Variants in TM7SF3 observed in about 807,000 individuals in gnomAD.
TM7SF3 encodes transmembrane 7 superfamily member 3, also known as seven span transmembrane protein.
In TM7SF3, 60 loss-of-function variants were observed where a neutral mutation model predicts 65.5. The ratio of observed to expected loss-of-function variants is 0.92; its 90% CI spans 0.74 to 1.14. The LOEUF is 1.14. Ranked by LOEUF, TM7SF3 falls within the 50% of genes most tolerant of loss-of-function variation. TM7SF3 has a pLI of 0.00. For missense variants in TM7SF3, 623 were observed against 684.8 expected (o/e 0.91, Z 1.01); for synonymous variants, 264 against 259.6 (o/e 1.02, Z -0.16).
chr12:26,992,370 C>A (rs1355192287), intron 5 of TM7SF3, among the ~76,000 whole-genome samples: 2 of 152,058 alleles, frequency 1.3e-5, no homozygotes, highest in African/African-American at 2.4e-5. Flanking sequence ...GCTCTGCCTC[C>A]CAGGTTCACG....
intron 5 of TM7SF3, among the ~76,000 whole-genome samples, chr12:26,994,277 T>C (rs1306859767): frequency 2.0e-5 from 3 of 152,188 alleles, no homozygotes; most frequent in African/African-American, 7.2e-5. Context: ...GATGACCTCA[T>C]ATATTATATT....
At chr12:26,988,243 G>A (rs564296064) in intron 6 of TM7SF3, among the ~76,000 whole-genome samples, 1 of 152,190 alleles carries the variant, frequency 6.6e-6, no homozygotes, top group South Asian at 2.1e-4. Context: ...GCTCACTGCA[G>A]CCTCAACCTT....
intron 6 of TM7SF3, among the ~76,000 whole-genome samples, chr12:26,986,358 G>A (rs1016804016): frequency 6.6e-6 from 1 of 152,066 alleles, no homozygotes; most frequent in Non-Finnish European, 1.5e-5. Context: ...TTAGGTCAGT[G>A]CAGACAGAAT....
intron 1 of TM7SF3, chr12:27,012,872 C>G: frequency 2.7e-6 from 1 of 370,374 alleles, no homozygotes; most frequent in Non-Finnish European, 5.3e-6. Context: ...GTGGCGGGCG[C>G]CTGTAATCCC....
chr12:27,012,930 G>A (rs181742290), intron 1 of TM7SF3: 10 of 340,148 alleles, frequency 2.9e-5, no homozygotes, highest in African/African-American at 1.8e-4. Context: ...CCCGGGTGTC[G>A]GAGGTTGCAG....
intron 2 of TM7SF3, among the ~76,000 whole-genome samples, chr12:27,002,053 C>T (rs180899812): frequency 4.2e-4 from 64 of 152,278 alleles, no homozygotes; most frequent in East Asian, 3.3e-3. Context: ...ACAACACACA[C>T]GCACACACGT....
chr12:26,996,153 TA>T (rs112843441), intron 4 of TM7SF3, among the ~76,000 whole-genome samples: 2,010 of 142,842 alleles, frequency 0.014, 13 homozygotes, highest in African/African-American at 0.033. Flanking sequence ...ATCTTTGATT[TA>T]AAAAAAAAAA....
rs148100794 is a variant in TM7SF3, at chr12:26,984,639, C to T, written c.869-1780G>A. The stretch of plus-strand genomic sequence containing the variant: ...ATAATCACCAAGACAGCAAGGTCTT[C>T]CAACCCAATAAAAACTAAGACACAG... On this transcript the variant is annotated intron_variant, in intron 6 of 11. Coordinates refer to ENST00000343028, the MANE Select transcript of TM7SF3 (RefSeq NM_016551.3). 6.5e-3 allele frequency among the ~76,000 whole-genome samples: 985 copies of T among 152,148 alleles called. 6 individuals are homozygous for T. The highest frequency in any genetic ancestry group is 7.6e-3 in the Non-Finnish European group (514 of 68,008).
intron 1 of TM7SF3, among the ~76,000 whole-genome samples, chr12:27,012,155 C>T (rs539651883): frequency 5.3e-5 from 8 of 152,228 alleles, no homozygotes; most frequent in South Asian, 2.1e-4. Flanking sequence ...GACAGCTTTA[C>T]GGAAGTGGAA....
intron 8 of TM7SF3, chr12:26,980,152 G>A (rs1939753619): frequency 1.5e-5 from 9 of 598,660 alleles, no homozygotes; most frequent in Non-Finnish European, 2.3e-5. Context: ...AAACCTCACA[G>A]GGCCAGTGAC....
Position 26,980,682 on chromosome 12 carries a change from A to G in TM7SF3, c.956-36T>C, listed in dbSNP as rs1592274812. The stretch of plus-strand genomic sequence containing the variant: ...AACCACCAGGAAAGGAAAAAAGCAA[A>G]ACAACAAAAGCTATGGTTAAGCACC... On this transcript the variant is annotated intron_variant, in intron 7 of 11. Transcript: ENST00000343028. The G allele has an allele frequency of 2.6e-6, 3 of 1,170,112 alleles. No individual in the cohort carries two copies. The East Asian group carries it at 7.3e-5, about 28-fold the overall frequency. The allele number at this position is 1,170,112 out of a possible 1,614,324, so 72.5% of individuals were successfully genotyped here.
intron 6 of TM7SF3, among the ~76,000 whole-genome samples, chr12:26,988,416 G>C (rs1209980640): frequency 1.3e-5 from 2 of 152,078 alleles, no homozygotes; most frequent in Non-Finnish European, 2.9e-5. Flanking sequence ...CGCCCATCTT[G>C]ACCTCCCAAT....
At chr12:26,984,622 C>G (rs1298757443) in intron 6 of TM7SF3, among the ~76,000 whole-genome samples, 2 of 151,900 alleles carry the variant, frequency 1.3e-5, no homozygotes, top group Non-Finnish European at 2.9e-5. Context: ...GTATAATCAC[C>G]AAGACAGCAA....
At chr12:26,974,253 T>A in intron 11 of TM7SF3, 26 bp from the exon 12 acceptor site, 1 of 1,602,834 alleles carries the variant, frequency 6.2e-7, no homozygotes. Context: ...AAAAGTACAG[T>A]TTGAACTCTA....
intron 1 of TM7SF3, among the ~76,000 whole-genome samples, chr12:27,013,695 T>C (rs1195875337): frequency 6.6e-6 from 1 of 152,172 alleles, no homozygotes; most frequent in Non-Finnish European, 1.5e-5. Context: ...CATCAGTCAT[T>C]AAGCCGCTAG....
chr12:26,999,675 G>A lies in TM7SF3; in HGVS notation c.248C>T (p.Thr83Ile). Residue 83 changes from threonine (T) to isoleucine (I), a missense_variant and splice_region_variant, in exon 3 of 12, where the codon ACT becomes ATT. By Grantham distance (89) the Thr-to-Ile change is moderately conservative (BLOSUM62 -1). Transcript: ENST00000343028. ...TGTTTCCGAGGAATTGGAAAGGAGAGTCTGCAGTCCAGAAGAAACATTGTC... is the reference window on the plus strand; with the variant it reads ...TGTTTCCGAGGAATTGGAAAGGAGAATCTGCAGTCCAGAAGAAACATTGTC... ...YQNTTVSFSP[T>I]LLSNSSETGT... 1 of 1,614,020 alleles carries A rather than the reference G, an allele frequency of 6.2e-7. No individual in the cohort carries two copies.
intron 6 of TM7SF3, 112 bp from the exon 7 acceptor site, chr12:26,982,971 C>T: frequency 2.8e-6 from 2 of 705,902 alleles, no homozygotes; most frequent in Non-Finnish European, 4.5e-6. Context: ...TAATTTATCC[C>T]ATACATGTAT....
chr12:26,994,226 G>A (rs11048803), intron 5 of TM7SF3, among the ~76,000 whole-genome samples: 11 of 152,112 alleles, frequency 7.2e-5, no homozygotes, highest in Non-Finnish European at 1.6e-4. Flanking sequence ...GCACAATGAC[G>A]CTGTCTAGAA....
At chr12:27,001,168 T>G (rs2136437424) in intron 2 of TM7SF3, among the ~76,000 whole-genome samples, 1 of 152,242 alleles carries the variant, frequency 6.6e-6, no homozygotes, top group African/African-American at 2.4e-5. Context: ...GCACTTCTCT[T>G]TACACAGACC....
Sources: allele counts gnomAD v4.1 joint callset (sites outside exome capture counted in the v4.1 genomes callset), GRCh38; gene constraint gnomAD v4.1.1; transcripts MANE v1.5; gene names NCBI Gene and HGNC (gene_info 2026-07-23, HGNC 2026-07-21).